The following SLC24A4 variants were observed in gnomAD, a reference collection of about 807,000 sequenced individuals.
SLC24A4 encodes solute carrier family 24 member 4.
In SLC24A4, 53 loss-of-function variants were observed where a neutral mutation model predicts 79.0. That is an observed-to-expected ratio of 0.67 (90% CI 0.54 to 0.84). The LOEUF is 0.84. Ranked by LOEUF, SLC24A4 falls within the 40% of genes least tolerant of loss-of-function variation. The pLI, the probability that SLC24A4 is intolerant of heterozygous loss-of-function variation, is 0.00. For missense variants in SLC24A4, 731 were observed against 822.0 expected (o/e 0.89, Z 1.35); for synonymous variants, 323 against 323.8 (o/e 1.00, Z 0.03).
intron 2 of SLC24A4, among the ~76,000 whole-genome samples, chr14:92,364,937 T>G (rs1887741624): frequency 6.6e-6 from 1 of 152,134 alleles, no homozygotes; most frequent in Non-Finnish European, 1.5e-5. Context: ...GTCCCAAAGG[T>G]GCCGTGAGAG....
At position 92,333,057 on chromosome 14, in the gene SLC24A4, TC is replaced by T. The variant is rs1333336870; in HGVS notation, c.241+7084del. ...CTGCATAACTGGGATAGGCATGATTTCCCCCTCTCTAACACTGCCTTTATCC... is the reference window on the plus strand; with the variant it reads ...CTGCATAACTGGGATAGGCATGATTTCCCCTCTCTAACACTGCCTTTATCC... On this transcript the variant is annotated intron_variant, in intron 2 of 16. Coordinates refer to ENST00000532405, the MANE Select transcript of SLC24A4 (RefSeq NM_153646.4). 3.9e-5 allele frequency among the ~76,000 whole-genome samples: 6 copies of T among 152,180 alleles called. No homozygotes were observed. The East Asian group carries it at 1.2e-3, about 29-fold the overall frequency.
intron 2 of SLC24A4, among the ~76,000 whole-genome samples, chr14:92,391,508 A>G (rs4347559): frequency 0.19 from 28,681 of 152,018 alleles, 2,819 homozygotes; most frequent in Non-Finnish European, 0.22. Flanking sequence ...ACACTCCCTT[A>G]CCCCATGTGC....
intron 2 of SLC24A4, among the ~76,000 whole-genome samples, chr14:92,364,966 C>T (rs1227626900): frequency 6.6e-6 from 1 of 152,214 alleles, no homozygotes; most frequent in Non-Finnish European, 1.5e-5. Flanking sequence ...TCCTGCCTTG[C>T]CCCTGCCCTT....
intron 2 of SLC24A4, among the ~76,000 whole-genome samples, chr14:92,338,603 A>G (rs576400947): frequency 3.9e-5 from 6 of 152,276 alleles, no homozygotes; most frequent in African/African-American, 1.4e-4. Flanking sequence ...TCACACTACA[A>G]ATGTCTGACT....
intron 3 of SLC24A4, among the ~76,000 whole-genome samples, chr14:92,438,418 A>C (rs750592633): frequency 1.3e-5 from 2 of 152,020 alleles, no homozygotes; most frequent in Admixed American, 6.5e-5. Context: ...AGCCTGGAAA[A>C]CATAGTGAGA....
At chr14:92,469,713 T>A (rs1894331459) in intron 12 of SLC24A4, among the ~76,000 whole-genome samples, 1 of 152,188 alleles carries the variant, frequency 6.6e-6, no homozygotes, top group Non-Finnish European at 1.5e-5. Context: ...TATATCCATA[T>A]AATAGAATAT....
At chr14:92,392,347 GT>G (rs1889522368) in intron 2 of SLC24A4, among the ~76,000 whole-genome samples, 2 of 151,876 alleles carry the variant, frequency 1.3e-5, no homozygotes, top group Admixed American at 6.6e-5. Context: ...CCCGGATTTT[GT>G]CAGTCTTACT....
At position 92,323,987 on chromosome 14, in the gene SLC24A4, C is replaced by T; in HGVS notation, c.130+27C>T. ...TGGGTGCTGGTACGGGTCCCCTCTT[C>T]CTGGGGAGTTGGGGGCTTTGGCTGG... On this transcript the variant is annotated intron_variant, in intron 1 of 16. Transcript: ENST00000532405. This position sits in a 1 kb window ranked among gnomAD's most constrained non-coding sequence, Gnocchi z 4.9. 1 of 1,602,906 alleles carries T rather than the reference C, an allele frequency of 6.2e-7. No individual in the cohort carries two copies. Among genetic ancestry groups the T allele is most frequent in the Admixed American group, 1.7e-5 (1 of 59,166 alleles).
chr14:92,414,469 C>T (rs1409454949), intron 2 of SLC24A4, among the ~76,000 whole-genome samples: 1 of 152,142 alleles, frequency 6.6e-6, no homozygotes, highest in Non-Finnish European at 1.5e-5. Flanking sequence ...GGCATGGTGG[C>T]TCACTCCTGT....
chr14:92,390,146 C>G (rs1465165248), intron 2 of SLC24A4, among the ~76,000 whole-genome samples: 2 of 152,110 alleles, frequency 1.3e-5, no homozygotes, highest in Non-Finnish European at 2.9e-5. Context: ...TCCCTGCAGT[C>G]CCCAGGCCTG....
At chr14:92,355,040 C>G (rs1887097678) in intron 2 of SLC24A4, among the ~76,000 whole-genome samples, 1 of 152,200 alleles carries the variant, frequency 6.6e-6, no homozygotes, top group South Asian at 2.1e-4. Flanking sequence ...GGCCATTGCA[C>G]TCCAACCTGT....
At chr14:92,368,497 C>T (rs1014702205) in intron 2 of SLC24A4, among the ~76,000 whole-genome samples, 2 of 152,124 alleles carry the variant, frequency 1.3e-5, no homozygotes, top group African/African-American at 2.4e-5. Context: ...ATTTAAACAT[C>T]GAAGAACACA....
At chr14:92,379,318 C>T (rs1370479916) in intron 2 of SLC24A4, among the ~76,000 whole-genome samples, 2 of 152,066 alleles carry the variant, frequency 1.3e-5, no homozygotes, top group African/African-American at 2.4e-5. Flanking sequence ...CTCAGGGCAT[C>T]CACAGGATCC....
chr14:92,401,654 G>T (rs1360953334), intron 2 of SLC24A4, among the ~76,000 whole-genome samples: 1 of 152,176 alleles, frequency 6.6e-6, no homozygotes, highest in African/African-American at 2.4e-5. Context: ...CACCCAGACT[G>T]CCTGGGTTCA....
At chr14:92,483,670 C>T (rs1202590279) in intron 13 of SLC24A4, 2 of 1,221,938 alleles carry the variant, frequency 1.6e-6, no homozygotes, top group African/African-American at 1.6e-5. Flanking sequence ...CAGGAGCCTC[C>T]TTCCCCACTC....
intron 2 of SLC24A4, among the ~76,000 whole-genome samples, chr14:92,419,301 C>G (rs1891153121): frequency 6.6e-6 from 1 of 152,158 alleles, no homozygotes; most frequent in Non-Finnish European, 1.5e-5. Flanking sequence ...CAGGTCCCTT[C>G]CCAGTTAGTG....
At chr14:92,342,508 C>T (rs943741922) in intron 2 of SLC24A4, among the ~76,000 whole-genome samples, 13 of 152,108 alleles carry the variant, frequency 8.5e-5, no homozygotes, top group South Asian at 6.2e-4. Context: ...CTCAGCCTCC[C>T]GAGTAGCTGG....
intron 11 of SLC24A4, 75 bp downstream of exon 11, chr14:92,454,144 G>A: frequency 1.4e-6 from 2 of 1,480,662 alleles, no homozygotes; most frequent in South Asian, 2.5e-5. Flanking sequence ...GGCTCTTCCT[G>A]GTGCCATTGA....
intron 12 of SLC24A4, among the ~76,000 whole-genome samples, chr14:92,461,484 G>C (rs1164376366): frequency 1.3e-5 from 2 of 152,226 alleles, no homozygotes; most frequent in African/African-American, 4.8e-5. Context: ...GCATGGTTGG[G>C]TTCTGTGTCC....
Sources: gnomAD v4.1 joint callset for allele counts (sites outside exome capture counted in the v4.1 genomes callset) on GRCh38, gnomAD v4.1.1 for gene constraint, Gnocchi (gnomAD v3.1) non-coding constraint, MANE v1.5 for transcripts, NCBI Gene and HGNC (gene_info 2026-07-23, HGNC 2026-07-21) for gene names.